Variants in TNRC6B observed in about 807,000 individuals in gnomAD.
TNRC6B encodes the protein trinucleotide repeat-containing gene 6B protein.
A neutral mutation model predicts 203.6 loss-of-function variants in TNRC6B; 52 were observed. The ratio of observed to expected loss-of-function variants is 0.26; its 90% confidence interval spans 0.20 to 0.32. The LOEUF is 0.32. Ranked by LOEUF, TNRC6B falls within the 10% of genes least tolerant of loss-of-function variation. The pLI is 1.00. For synonymous variants in TNRC6B, 838 were observed against 845.7 expected (o/e 0.99, Z 0.16); for missense variants, 1,923 against 2,286.2 (o/e 0.84, Z 3.24).
intron 3 of TNRC6B, among the ~76,000 whole-genome samples, chr22:40,143,340 G>A (rs751494890): frequency 6.6e-6 from 1 of 152,026 alleles, no homozygotes; most frequent in Non-Finnish European, 1.5e-5. Context: ...GGCTAAGGTG[G>A]AAGGATCACT....
At chr22:40,256,341 ATTTTGTTTTG>A (rs368445482) in intron 3 of TNRC6B, among the ~76,000 whole-genome samples, 102 of 152,086 alleles carry the variant, frequency 6.7e-4, no homozygotes, top group Non-Finnish European at 2.5e-4. Flanking sequence ...TGTCACATTG[ATTTTGTTTTG>A]TTTTGTTTTG....
intron 20 of TNRC6B, 136 bp from the exon 21 acceptor site, chr22:40,315,806 A>G: frequency 1.4e-6 from 1 of 718,978 alleles, no homozygotes; most frequent in Non-Finnish European, 2.3e-6. Context: ...AGAGAAAAAG[A>G]AGGTCAGAGT....
At chr22:40,125,938 T>C in intron 3 of TNRC6B, 1 of 1,369,122 alleles carries the variant, frequency 7.3e-7, no homozygotes, top group South Asian at 1.4e-5. Flanking sequence ...AATGGGTATT[T>C]CATTTTACAT....
At chr22:40,170,214 G>A (rs949621626) in intron 4 of TNRC6B, among the ~76,000 whole-genome samples, 1 of 147,390 alleles carries the variant, frequency 6.8e-6, no homozygotes. Context: ...AAAGGTTGAG[G>A]CTGTGGTGAG....
intron 1 of TNRC6B, among the ~76,000 whole-genome samples, chr22:40,078,822 C>G (rs2068041675): frequency 6.6e-6 from 1 of 151,570 alleles, no homozygotes; most frequent in Non-Finnish European, 1.5e-5. Flanking sequence ...GCCTGTAATC[C>G]CAGCAGTTTG....
chr22:40,046,236 CG>C (rs2067686309), intron 1 of TNRC6B, among the ~76,000 whole-genome samples: 1 of 152,180 alleles, frequency 6.6e-6, no homozygotes, highest in Non-Finnish European at 1.5e-5. Flanking sequence ...ATCTTGGCTT[CG>C]AAAGTACAGA....
chr22:40,132,491 AGGCGAG>A (rs536451969), intron 3 of TNRC6B, among the ~76,000 whole-genome samples: 89 of 89,472 alleles, frequency 9.9e-4, no homozygotes, highest in Non-Finnish European at 1.4e-3. Context: ...AATAAAGGCG[AGGCGAG>A]GGCGAGGGCG....
rs1348812435 is a variant in TNRC6B at position 40,265,434 on chromosome 22, A to T, written c.1204A>T (p.Asn402Tyr). The change falls in exon 5 of 23, where the codon AAC becomes TAC. Residue 402 changes from asparagine (N) to tyrosine (Y), a missense_variant. Coordinates refer to ENST00000454349, the MANE Select transcript of TNRC6B (RefSeq NM_001162501.2). ...KGMPFGMGLGNTSRSTDAPSQ... is the reference protein window; with the variant it reads ...KGMPFGMGLGYTSRSTDAPSQ... ...AATGCCCTTTGGAATGGGCTTGGGGAACACCTCCAGGAGCACTGATGCCCC... is the reference window on the plus strand; with the variant it reads ...AATGCCCTTTGGAATGGGCTTGGGGTACACCTCCAGGAGCACTGATGCCCC... 1 of 1,613,890 alleles carries T rather than the reference A, an allele frequency of 6.2e-7. No homozygotes were observed. The highest frequency in any genetic ancestry group is 8.5e-7 in the Non-Finnish European group (1 of 1,179,900).
At chr22:40,317,211 A>G (rs559952340) in intron 21 of TNRC6B, among the ~76,000 whole-genome samples, 135 of 152,254 alleles carry the variant, frequency 8.9e-4, no homozygotes, top group Middle Eastern at 3.4e-3. Flanking sequence ...AAACATATTA[A>G]CCATTTTTGT....
At chr22:40,128,901 C>A (rs879478927) in intron 3 of TNRC6B, among the ~76,000 whole-genome samples, 11 of 151,920 alleles carry the variant, frequency 7.2e-5, no homozygotes, top group Admixed American at 2.6e-4. Context: ...ACTCTCAAGG[C>A]GGTTTCATTT....
intron 1 of TNRC6B, among the ~76,000 whole-genome samples, chr22:40,065,197 C>T (rs2146275176): frequency 6.6e-6 from 1 of 152,110 alleles, no homozygotes; most frequent in Admixed American, 6.5e-5. Flanking sequence ...GCTCTGTTGC[C>T]TAGGCTGGAG....
chr22:40,062,461 G>A (rs538986599), intron 1 of TNRC6B, among the ~76,000 whole-genome samples: 3 of 152,208 alleles, frequency 2.0e-5, no homozygotes, highest in South Asian at 2.1e-4. Flanking sequence ...TGCCCATCTC[G>A]GCCTCCCAAA....
chr22:40,277,691 A>G (rs1393181776), intron 8 of TNRC6B, among the ~76,000 whole-genome samples: 1 of 152,198 alleles, frequency 6.6e-6, no homozygotes, highest in Non-Finnish European at 1.5e-5. Flanking sequence ...TCACTCATGG[A>G]ATTTGATCCT....
intron 1 of TNRC6B, among the ~76,000 whole-genome samples, chr22:40,198,575 G>A (rs2069370048): frequency 6.6e-6 from 1 of 151,874 alleles, no homozygotes; most frequent in African/African-American, 2.4e-5. Context: ...GTATTGATTG[G>A]TTGAATATAG....
chr22:40,216,109 C>G (rs953638353), intron 1 of TNRC6B, among the ~76,000 whole-genome samples: 1 of 152,242 alleles, frequency 6.6e-6, no homozygotes, highest in Admixed American at 6.5e-5. Context: ...CCTCAACAGC[C>G]ACATTGCTTT....
rs1402497672 is a variant in TNRC6B, at chr22:40,334,729, CAGA to C, written c.*11489_*11491del. 6.6e-6 allele frequency: 1 copy of C among 152,570 alleles called. No homozygotes were observed. The highest frequency in any genetic ancestry group is 2.4e-5 in the African/African-American group (1 of 41,440). 9.5% of individuals were successfully genotyped at this position (152,570 alleles called of 1,614,324 possible). On this transcript the variant is annotated 3_prime_UTR_variant, in exon 23 of 23. Transcript: ENST00000454349. Reference sequence around the variant, plus strand: ...ACGCAGGAGGACCTGGGGGGCGTAGCAGAGGAGGATAGGTAGAGAAGTACCATT... The same window carrying C: ...ACGCAGGAGGACCTGGGGGGCGTAGCGGAGGATAGGTAGAGAAGTACCATT...
At chr22:40,060,742 G>A (rs921333575) in intron 1 of TNRC6B, among the ~76,000 whole-genome samples, 5 of 152,194 alleles carry the variant, frequency 3.3e-5, no homozygotes, top group Non-Finnish European at 1.5e-5. Flanking sequence ...TCTTTTCCCA[G>A]TAGAACATAC....
At chr22:40,162,158 G>A (rs1002988657) in intron 4 of TNRC6B, among the ~76,000 whole-genome samples, 5 of 152,062 alleles carry the variant, frequency 3.3e-5, no homozygotes, top group East Asian at 1.9e-4. Context: ...GTGCAATGGC[G>A]CAATCTCGGC....
At chr22:40,218,679 T>C (rs28679492) in intron 1 of TNRC6B, among the ~76,000 whole-genome samples, 4 of 152,158 alleles carry the variant, frequency 2.6e-5, no homozygotes, top group African/African-American at 9.7e-5. Context: ...ACATTCTTTT[T>C]ATTTCTTTGT....
Sources: gnomAD v4.1 joint callset for allele counts (sites outside exome capture counted in the v4.1 genomes callset) on GRCh38, gnomAD v4.1.1 for gene constraint, MANE v1.5 for transcripts, NCBI Gene and HGNC (gene_info 2026-07-23, HGNC 2026-07-21) for gene names.